The following HECTD4 variants were observed in gnomAD, a reference collection of about 807,000 sequenced individuals.
HECTD4 encodes probable E3 ubiquitin-protein ligase HECTD4.
HECTD4 carries 114 observed loss-of-function variants against 471.5 expected under a neutral mutation model. The ratio of observed to expected loss-of-function variants is 0.24; its 90% CI spans 0.21 to 0.28. The LOEUF is 0.28. HECTD4 is among the 10% of genes least tolerant of loss of function. The pLI, the probability that HECTD4 is intolerant of heterozygous loss-of-function variation, is 1.00. For synonymous variants in HECTD4, 2,012 were observed against 2,256.0 expected (o/e 0.89, Z 3.07); for missense variants, 3,866 against 5,651.5 (o/e 0.68, Z 10.13).
chr12:112,250,823 T>G, intron 24 of HECTD4, 148 bp downstream of exon 24: 1 of 753,040 alleles, frequency 1.3e-6, no homozygotes, highest in Non-Finnish European at 2.1e-6. Context: ...GGTGTAATTT[T>G]CATCTTATTT....
At chr12:112,266,545 A>G (rs1460898326) in intron 14 of HECTD4, among the ~76,000 whole-genome samples, 3 of 152,248 alleles carry the variant, frequency 2.0e-5, no homozygotes, top group East Asian at 1.9e-4. Context: ...CAGTTGTGTC[A>G]TAACAGCTCA....
At chr12:112,219,982 T>C (rs1445661032) in intron 44 of HECTD4, among the ~76,000 whole-genome samples, 1 of 152,082 alleles carries the variant, frequency 6.6e-6, no homozygotes, top group Non-Finnish European at 1.5e-5. Context: ...TGAGGGCAAG[T>C]GCTTAGCCTC....
intron 45 of HECTD4, 133 bp downstream of exon 45, chr12:112,219,253 A>G: frequency 3.8e-6 from 2 of 529,340 alleles, no homozygotes; most frequent in Non-Finnish European, 6.7e-6. Flanking sequence ...CAAAGAGGGC[A>G]TGTCACTGCA....
At chr12:112,337,624 T>C (rs2035982757) in intron 1 of HECTD4, among the ~76,000 whole-genome samples, 1 of 152,196 alleles carries the variant, frequency 6.6e-6, no homozygotes, top group Non-Finnish European at 1.5e-5. Flanking sequence ...AACTGGTTGA[T>C]GGATGAGGCA....
intron 1 of HECTD4, among the ~76,000 whole-genome samples, chr12:112,354,664 C>A (rs2036301087): frequency 6.6e-6 from 1 of 152,006 alleles, no homozygotes; most frequent in Non-Finnish European, 1.5e-5. Context: ...CCAGCTTGGG[C>A]AACAGAGCAG....
chr12:112,335,628 C>T (rs1394691229), intron 1 of HECTD4, among the ~76,000 whole-genome samples: 1 of 152,066 alleles, frequency 6.6e-6, no homozygotes, highest in Non-Finnish European at 1.5e-5. Flanking sequence ...GCGGAGGTTG[C>T]AGTGAGCCAA....
rs1212661750 is a variant in HECTD4, at chr12:112,194,725, A to T, written c.8749+160T>A. Among the ~76,000 whole-genome samples the T allele has an allele frequency of 6.6e-6, 1 of 152,250 alleles. No individual in the cohort carries two copies. Among genetic ancestry groups the T allele is most frequent in the African/African-American group, 2.4e-5 (1 of 41,466 alleles). On this transcript the variant is annotated intron_variant, in intron 56 of 75. Coordinates refer to ENST00000682272, the MANE Select transcript of HECTD4 (RefSeq NM_001388303.1). This position sits in a 1 kb window ranked among gnomAD's most constrained non-coding sequence, Gnocchi z 4.6. ...CCATTACATTTTTCGAAGAGTGAGA[A>T]AGCCCTGCCAGGAGAATCCCAGTTC...
intron 55 of HECTD4, among the ~76,000 whole-genome samples, chr12:112,196,179 C>T (rs1238903277): frequency 6.6e-6 from 1 of 152,104 alleles, no homozygotes; most frequent in Non-Finnish European, 1.5e-5. Context: ...ACTCTGAACC[C>T]ACGGGGGTCA....
In HECTD4 at chr12:112,195,062, G is replaced by C. The variant is rs370484532; in HGVS notation, c.8572C>G (p.Leu2858Val). 8.2e-6 allele frequency: 13 copies of C among 1,594,904 alleles called. No homozygotes were observed. The African/African-American group carries it at 1.6e-4, about 20-fold the overall frequency. The change falls in exon 56 of 76, where the codon CTG becomes GTG. Residue 2858 changes from leucine to valine, a missense_variant. Leu to Val is a conservative substitution (Grantham distance 32, BLOSUM62 1). Around this residue, in one of 16 missense-constraint regions of HECTD4, gnomAD observed 266 missense variants for 441.6 expected, o/e 0.60. Transcript: ENST00000682272. ...GCCAGCGCAGCCTCGCAGCGCAGCA[G>C]CTCCCTGCAAGGGAAAAGGTGGGTG... ...DNTNLQIHRE[L>V]LRCEAALARL...
chr12:112,327,981 T>C (rs1277950574), intron 1 of HECTD4, among the ~76,000 whole-genome samples: 1 of 152,188 alleles, frequency 6.6e-6, no homozygotes, highest in Non-Finnish European at 1.5e-5. Context: ...TGAATTATAT[T>C]ACTATACTCC....
At chr12:112,301,808 T>C in intron 7 of HECTD4, 1 of 573,854 alleles carries the variant, frequency 1.7e-6, no homozygotes, top group Non-Finnish European at 3.1e-6. Flanking sequence ...CTGTTTTTTT[T>C]TTTAAGGAAA....
chr12:112,230,552 AGGGGAAAGTCAGTT>A, intron 40 of HECTD4, 121 bp downstream of exon 40: 1 of 1,059,632 alleles, frequency 9.4e-7, no homozygotes. Context: ...AGCAACTTCC[AGGGGAAAGTCAGTT>A]AACAGGTATC....
intron 60 of HECTD4, among the ~76,000 whole-genome samples, chr12:112,187,622 CTTTTTTTTTTTTT>C (rs150976845): frequency 3.5e-5 from 3 of 85,964 alleles, no homozygotes; most frequent in Non-Finnish European, 6.2e-5. Flanking sequence ...GTTTCCTTTC[CTTTTTTTTTTTTT>C]TTTTTTTTTG....
intron 67 of HECTD4, among the ~76,000 whole-genome samples, chr12:112,171,506 T>C (rs2031219710): frequency 6.6e-6 from 1 of 152,190 alleles, no homozygotes; most frequent in Non-Finnish European, 1.5e-5. Flanking sequence ...CCAAGGCCCC[T>C]CATCTACCTT....
Position 112,248,359 on chromosome 12 carries a change from C to T in HECTD4, c.4104G>A (p.Glu1368=), listed in dbSNP as rs1324923784. ...EYDLLCKIMG[E]TFKKLNAMER... ...CCATGGCATTGAGTTTCTTAAAGGTCTCTCCCATAATTTTACATAATAAAT... is the reference window on the plus strand; with the variant it reads ...CCATGGCATTGAGTTTCTTAAAGGTTTCTCCCATAATTTTACATAATAAAT... The change falls in exon 26 of 76, where the codon GAG becomes GAA. Residue 1368 remains glutamate, a synonymous_variant. Transcript: ENST00000682272. The T allele has an allele frequency of 1.2e-6, 2 of 1,608,242 alleles. No homozygotes were observed. Among genetic ancestry groups the T allele is most frequent in the Admixed American group, 1.7e-5 (1 of 59,214 alleles).
intron 7 of HECTD4, chr12:112,302,543 G>T: frequency 1.4e-6 from 1 of 713,726 alleles, no homozygotes. Context: ...TGGATGTCCT[G>T]TCCAATACCA....
chr12:112,230,207 G>A (rs905296416), intron 40 of HECTD4, among the ~76,000 whole-genome samples: 1 of 152,162 alleles, frequency 6.6e-6, no homozygotes, highest in African/African-American at 2.4e-5. Flanking sequence ...ATGTCATAAG[G>A]GGTTCATTTG....
chr12:112,220,067 T>G (rs1454042678), intron 44 of HECTD4, among the ~76,000 whole-genome samples: 2 of 152,148 alleles, frequency 1.3e-5, no homozygotes, highest in Non-Finnish European at 2.9e-5. Context: ...CAATACTGGG[T>G]AACAACAGCA....
intron 9 of HECTD4, among the ~76,000 whole-genome samples, chr12:112,275,753 C>T (rs910603662): frequency 9.9e-5 from 15 of 152,036 alleles, no homozygotes; most frequent in South Asian, 2.1e-4. Flanking sequence ...AGCCCAGATC[C>T]GCATCGTGCC....
Sources: allele counts gnomAD v4.1 joint callset (sites outside exome capture counted in the v4.1 genomes callset), GRCh38; gene constraint gnomAD v4.1.1; regional missense constraint gnomAD v4.1.1; non-coding constraint Gnocchi (gnomAD v3.1); transcripts MANE v1.5; gene names NCBI Gene and HGNC (gene_info 2026-07-23, HGNC 2026-07-21).